The following HS3ST4 variants were observed in gnomAD, a reference collection of about 807,000 sequenced individuals.
HS3ST4 encodes the protein heparan sulfate-glucosamine 3-sulfotransferase 4.
Under a neutral mutation model 29.2 loss-of-function variants are expected in HS3ST4, and 17 were observed. The observed-to-expected ratio is 0.58, with a 90% CI of 0.40 to 0.87. The LOEUF (loss-of-function observed/expected upper bound fraction) is 0.87, where lower values mean the gene tolerates loss of function less well. Among genes scored for constraint, HS3ST4 ranks in the 40% least tolerant of loss-of-function variants. HS3ST4 has a pLI of 0.00. For missense variants in HS3ST4, 627 were observed against 634.5 expected, an observed-to-expected ratio of 0.99 and a Z score of 0.13; for synonymous variants, 314 against 285.7, an observed-to-expected ratio of 1.10 and a Z score of -1.00.
At chr16:25,888,161 G>A (rs1967973935) in intron 1 of HS3ST4, among the ~76,000 whole-genome samples, 1 of 152,122 alleles carries the variant, frequency 6.6e-6, no homozygotes, top group Admixed American at 6.6e-5. Flanking sequence ...AAGCAGGCCT[G>A]CTTCATCTGG....
At chr16:26,131,058 T>C (rs370333647) in intron 1 of HS3ST4, among the ~76,000 whole-genome samples, 6 of 152,244 alleles carry the variant, frequency 3.9e-5, no homozygotes, top group South Asian at 2.1e-4. Flanking sequence ...TCACCTGTGA[T>C]GCTTCTCTTT....
intron 1 of HS3ST4, among the ~76,000 whole-genome samples, chr16:25,942,425 G>A (rs989327281): frequency 2.0e-5 from 3 of 152,048 alleles, no homozygotes; most frequent in Admixed American, 6.6e-5. Context: ...TAGAGAGAAG[G>A]GTCATCTGGA....
At chr16:25,935,308 C>T (rs1968507514) in intron 1 of HS3ST4, among the ~76,000 whole-genome samples, 1 of 152,186 alleles carries the variant, frequency 6.6e-6, no homozygotes, top group Non-Finnish European at 1.5e-5. Context: ...GATGCACCTA[C>T]ATTAACTCAT....
chr16:25,784,767 G>A (rs9923849), intron 1 of HS3ST4, among the ~76,000 whole-genome samples: 2 of 152,222 alleles, frequency 1.3e-5, no homozygotes, highest in African/African-American at 2.4e-5. Context: ...TGTAGAAGCT[G>A]CAGCAAATTA....
chr16:25,758,988 A>T (rs112817055), intron 1 of HS3ST4, among the ~76,000 whole-genome samples: 2 of 150,264 alleles, frequency 1.3e-5, no homozygotes, highest in African/African-American at 4.9e-5. Flanking sequence ...ACAAAAAAAA[A>T]CCCCAGAAAA....
chr16:26,100,645 T>C (rs1393888618), intron 1 of HS3ST4, among the ~76,000 whole-genome samples: 2 of 152,146 alleles, frequency 1.3e-5, no homozygotes, highest in East Asian at 3.9e-4. Context: ...AGGAAACTTT[T>C]CCCCTCTGAT....
chr16:25,930,005 C>T (rs7196580), intron 1 of HS3ST4, among the ~76,000 whole-genome samples: 2,541 of 152,222 alleles, frequency 0.017, 94 homozygotes, highest in African/African-American at 0.059. Flanking sequence ...TGCTATGTGT[C>T]CAAGTGTTCT....
At chr16:25,883,169 A>G (rs1471771972) in intron 1 of HS3ST4, among the ~76,000 whole-genome samples, 3 of 135,456 alleles carry the variant, frequency 2.2e-5, no homozygotes, top group Non-Finnish European at 4.7e-5. Flanking sequence ...TTTTTTTTTC[A>G]GACAAAAATC....
At chr16:25,697,862 G>A (rs898694232) in intron 1 of HS3ST4, among the ~76,000 whole-genome samples, 5 of 152,034 alleles carry the variant, frequency 3.3e-5, no homozygotes, top group African/African-American at 4.8e-5. Context: ...TAGTAGAGAC[G>A]GGGTTTCACC....
chr16:25,876,947 C>T (rs917223382), intron 1 of HS3ST4, among the ~76,000 whole-genome samples: 2 of 152,054 alleles, frequency 1.3e-5, no homozygotes, highest in African/African-American at 2.4e-5. Flanking sequence ...GGCTTTGAGA[C>T]TCACCAGAAG....
intron 1 of HS3ST4, among the ~76,000 whole-genome samples, chr16:25,709,573 G>A (rs1966402464): frequency 6.6e-6 from 1 of 152,092 alleles, no homozygotes; most frequent in Non-Finnish European, 1.5e-5. Context: ...TGGAGATAGA[G>A]GACCTAGGTT....
At chr16:25,737,750 A>G (rs1247167232) in intron 1 of HS3ST4, among the ~76,000 whole-genome samples, 2 of 152,090 alleles carry the variant, frequency 1.3e-5, no homozygotes, top group Non-Finnish European at 1.5e-5. Flanking sequence ...TAAAGAAACA[A>G]TGTATACATT....
At chr16:25,838,896 TC>T (rs1281281897) in intron 1 of HS3ST4, among the ~76,000 whole-genome samples, 6 of 152,160 alleles carry the variant, frequency 3.9e-5, no homozygotes, top group African/African-American at 1.4e-4. Flanking sequence ...TGATTTGCCT[TC>T]CCTGCCACTA....
rs183579810 is a variant in HS3ST4 at position 25,717,792 on chromosome 16, C to T, written c.734+24641C>T. ...TAATGGTTTTAGCAGAGGGGTGGCA[C>T]GTTCAGGCATATTCTTTGAAATGAT... On this transcript the variant is annotated intron_variant, in intron 1 of 1. Transcript: ENST00000331351. Among the ~76,000 whole-genome samples the T allele has an allele frequency of 7.7e-4, 117 of 151,998 alleles. 1 individual carries two copies. The highest frequency in any genetic ancestry group is 2.2e-3 in the African/African-American group (92 of 41,442).
intron 1 of HS3ST4, among the ~76,000 whole-genome samples, chr16:25,921,052 A>G (rs4331339): frequency 0.31 from 47,406 of 152,000 alleles, 8,726 homozygotes; most frequent in African/African-American, 0.5. Context: ...TATACATTTT[A>G]CCATAATCTT....
intron 1 of HS3ST4, among the ~76,000 whole-genome samples, chr16:25,857,898 T>TCC (rs1567257000): frequency 4.0e-5 from 2 of 49,770 alleles, no homozygotes; most frequent in African/African-American, 8.3e-5. Context: ...TTCTTTTTCT[T>TCC]TCTTCCTTCC....
chr16:26,115,613 A>G (rs1367306868), intron 1 of HS3ST4, among the ~76,000 whole-genome samples: 1 of 152,142 alleles, frequency 6.6e-6, no homozygotes, highest in Non-Finnish European at 1.5e-5. Context: ...CGGGTAGCAT[A>G]TCTATCCTAA....
chr16:25,933,766 T>C (rs1050673269), intron 1 of HS3ST4, among the ~76,000 whole-genome samples: 2 of 152,062 alleles, frequency 1.3e-5, no homozygotes, highest in Non-Finnish European at 2.9e-5. Context: ...GAAAGGGAGA[T>C]AGTGTGTCAT....
chr16:25,725,314 C>T (rs1029184062), intron 1 of HS3ST4, among the ~76,000 whole-genome samples: 2 of 152,036 alleles, frequency 1.3e-5, no homozygotes, highest in African/African-American at 4.8e-5. Context: ...ATTTACTTAC[C>T]ACAACCATAT....
Sources: allele counts gnomAD v4.1 joint callset (sites outside exome capture counted in the v4.1 genomes callset), GRCh38; gene constraint gnomAD v4.1.1; transcripts MANE v1.5; gene names NCBI Gene and HGNC (gene_info 2026-07-23, HGNC 2026-07-21).